Variants in RPS6KC1 observed in about 807,000 individuals in gnomAD.
RPS6KC1 encodes the protein ribosomal protein S6 kinase C1.
A neutral mutation model predicts 103.8 loss-of-function variants in RPS6KC1; 54 were observed. The observed-to-expected ratio is 0.52, with a 90% CI of 0.42 to 0.65. RPS6KC1 has a LOEUF of 0.65. Ranked by LOEUF, RPS6KC1 falls within the 30% of genes least tolerant of loss-of-function variation. The pLI is 0.00. For missense variants in RPS6KC1, 1,151 were observed against 1,253.8 expected (o/e 0.92, Z 1.24); for synonymous variants, 439 against 438.7 (o/e 1.00, Z -0.01).
At chr1:213,750,092 G>A in the RPS6KC1 span, among the ~76,000 whole-genome samples, 1 of 152,194 alleles carries the variant, frequency 6.6e-6, no homozygotes, top group Non-Finnish European at 1.5e-5. Flanking sequence ...ATCTGACACT[G>A]TTAAATTCAA....
chr1:213,151,187 C>A (rs1249785002), intron 6 of RPS6KC1, among the ~76,000 whole-genome samples: 2 of 140,566 alleles, frequency 1.4e-5, no homozygotes, highest in African/African-American at 2.6e-5. Context: ...CCCCACCTCC[C>A]TCCCGGATGG....
intron 14 of RPS6KC1, among the ~76,000 whole-genome samples, chr1:213,263,747 C>T (rs2094851621): frequency 6.6e-6 from 1 of 152,088 alleles, no homozygotes; most frequent in Admixed American, 6.6e-5. Context: ...GTGCTATAAG[C>T]TACAAAGGTA....
chr1:213,219,277 A>G (rs548758910), intron 8 of RPS6KC1, among the ~76,000 whole-genome samples: 5 of 152,340 alleles, frequency 3.3e-5, no homozygotes, highest in Non-Finnish European at 5.9e-5. Flanking sequence ...ATCACTGGCC[A>G]TCAGAGAAAT....
chr1:213,710,976 A>G, the RPS6KC1 span, among the ~76,000 whole-genome samples: 1 of 152,098 alleles, frequency 6.6e-6, no homozygotes, highest in Non-Finnish European at 1.5e-5. Context: ...ACCTTGGAGA[A>G]TCTGATGATT....
intron 8 of RPS6KC1, among the ~76,000 whole-genome samples, chr1:213,180,425 T>C (rs1394055448): frequency 6.6e-6 from 1 of 152,222 alleles, no homozygotes; most frequent in African/African-American, 2.4e-5. Context: ...TTATTGCTCA[T>C]GATAAGAAAT....
At chr1:213,697,577 A>G in the RPS6KC1 span, among the ~76,000 whole-genome samples, 1 of 152,164 alleles carries the variant, frequency 6.6e-6, no homozygotes, top group Non-Finnish European at 1.5e-5. Flanking sequence ...TGAGAAGTCA[A>G]ACACCCCAAT....
At chr1:213,721,980 A>G in the RPS6KC1 span, among the ~76,000 whole-genome samples, 29 of 152,060 alleles carry the variant, frequency 1.9e-4, no homozygotes, top group South Asian at 5.8e-3. Flanking sequence ...GCTTTCCTCT[A>G]CTGAGAAAAG....
intron 6 of RPS6KC1, among the ~76,000 whole-genome samples, chr1:213,166,629 A>G (rs987963479): frequency 5.3e-5 from 8 of 152,150 alleles, no homozygotes; most frequent in African/African-American, 1.7e-4. Flanking sequence ...TCCCCCCACC[A>G]AGACCAGTTA....
At chr1:213,500,854 A>T in the RPS6KC1 span, among the ~76,000 whole-genome samples, 1 of 151,806 alleles carries the variant, frequency 6.6e-6, no homozygotes, top group Non-Finnish European at 1.5e-5. Flanking sequence ...GGGTGTCTAT[A>T]TGTAAAACAA....
intron 1 of RPS6KC1, among the ~76,000 whole-genome samples, chr1:213,058,484 G>T (rs147626843): frequency 7.6e-4 from 115 of 151,360 alleles, no homozygotes; most frequent in African/African-American, 2.6e-3. Context: ...TTGGGTGAAG[G>T]TTCTGTTTTT....
At chr1:213,503,941 G>A in the RPS6KC1 span, among the ~76,000 whole-genome samples, 19 of 151,928 alleles carry the variant, frequency 1.3e-4, no homozygotes, top group African/African-American at 4.4e-4. Context: ...ATATGTTCAA[G>A]GATATTTACA....
intron 8 of RPS6KC1, among the ~76,000 whole-genome samples, chr1:213,213,339 C>G (rs2093567409): frequency 6.6e-6 from 1 of 152,162 alleles, no homozygotes; most frequent in South Asian, 2.1e-4. Flanking sequence ...ATTCCCTTTG[C>G]TCTTCTGTCA....
chr1:213,771,281 G>A, the RPS6KC1 span, among the ~76,000 whole-genome samples: 1 of 152,044 alleles, frequency 6.6e-6, no homozygotes, highest in African/African-American at 2.4e-5. Context: ...TGCTAGATGT[G>A]TCCTAGAAGA....
chr1:213,235,597 A>C (rs1274486423), intron 10 of RPS6KC1, among the ~76,000 whole-genome samples: 1 of 152,124 alleles, frequency 6.6e-6, no homozygotes, highest in East Asian at 1.9e-4. Flanking sequence ...AAGAGAAAAC[A>C]AATAGGTCCA....
At chr1:213,813,253 G>A in the RPS6KC1 span, among the ~76,000 whole-genome samples, 2 of 151,746 alleles carry the variant, frequency 1.3e-5, no homozygotes, top group Non-Finnish European at 2.9e-5. Context: ...TCTGTCTCCC[G>A]CTGTCACCCA....
the RPS6KC1 span, among the ~76,000 whole-genome samples, chr1:213,789,643 T>C: frequency 6.6e-6 from 1 of 152,230 alleles, no homozygotes; most frequent in Admixed American, 6.5e-5. Context: ...TGGGACAAAA[T>C]TGCATCCCTT....
chr1:213,363,813 T>A, the RPS6KC1 span, among the ~76,000 whole-genome samples: 1 of 69,890 alleles, frequency 1.4e-5, no homozygotes, highest in African/African-American at 1.2e-4. Flanking sequence ...TTTCTTTCTT[T>A]CTTCTCTCTT....
chr1:213,517,789 A>G, the RPS6KC1 span, among the ~76,000 whole-genome samples: 1,890 of 152,176 alleles, frequency 0.012, 39 homozygotes, highest in African/African-American at 0.042. Flanking sequence ...ATCCTTGTTA[A>G]CTTTCTGTCT....
intron 14 of RPS6KC1, 62 bp from the exon 15 acceptor site, chr1:213,272,462 A>G: frequency 7.8e-7 from 1 of 1,274,860 alleles, no homozygotes; most frequent in Non-Finnish European, 1.1e-6. Flanking sequence ...CTTTTCAAAT[A>G]TTGGTTTTCC....
Sources: gnomAD v4.1 joint callset for allele counts (sites outside exome capture counted in the v4.1 genomes callset) on GRCh38, gnomAD v4.1.1 for gene constraint, MANE v1.5 for transcripts, NCBI Gene and HGNC (gene_info 2026-07-23, HGNC 2026-07-21) for gene names.